The following GSE1 variants were observed in gnomAD, a reference collection of about 807,000 sequenced individuals.
GSE1 encodes genetic suppressor element 1.
GSE1 carries 32 observed loss-of-function variants against 112.6 expected under a neutral mutation model. The ratio of observed to expected loss-of-function variants is 0.28; its 90% CI spans 0.21 to 0.38. The LOEUF is 0.38. GSE1 is among the 10% of genes least tolerant of loss of function. The probability of loss-of-function intolerance (pLI) is 1.00; values close to 1 mark genes in which losing one functional copy is unlikely to be tolerated. For synonymous variants in GSE1, 1,115 were observed against 735.6 expected, an observed-to-expected ratio of 1.52 and a Z score of -8.35; for missense variants, 2,348 against 1,699.2, an observed-to-expected ratio of 1.38 and a Z score of -6.71.
intron 8 of GSE1, 57 bp downstream of exon 8, chr16:85,657,661 C>G: frequency 1.6e-6 from 2 of 1,236,626 alleles, no homozygotes; most frequent in Non-Finnish European, 2.2e-6. Context: ...ATTTGTTCAG[C>G]GTGTATTGAG....
chr16:85,321,498 G>T (rs1282041324), intron 1 of GSE1, among the ~76,000 whole-genome samples: 1 of 152,146 alleles, frequency 6.6e-6, no homozygotes, highest in Non-Finnish European at 1.5e-5. Flanking sequence ...GCCAGGCATG[G>T]TGACTCACAA....
At chr16:85,262,040 C>T (rs1390158229) in intron 1 of GSE1, among the ~76,000 whole-genome samples, 1 of 152,172 alleles carries the variant, frequency 6.6e-6, no homozygotes, top group Non-Finnish European at 1.5e-5. Context: ...CCAGGTCACA[C>T]AGGTTGCAAA....
At chr16:85,219,522 C>G (rs1361348806) in intron 1 of GSE1, among the ~76,000 whole-genome samples, 1 of 152,146 alleles carries the variant, frequency 6.6e-6, no homozygotes, top group Non-Finnish European at 1.5e-5. Flanking sequence ...CTTGGACCAC[C>G]TTGCACTCTC....
intron 2 of GSE1, among the ~76,000 whole-genome samples, chr16:85,370,759 G>A (rs1291765948): frequency 6.6e-6 from 1 of 152,242 alleles, no homozygotes; most frequent in Non-Finnish European, 1.5e-5. Context: ...TGTGCTGCTG[G>A]ATGACTCTGC....
intron 2 of GSE1, among the ~76,000 whole-genome samples, chr16:85,646,772 G>T (rs1313055765): frequency 6.6e-6 from 1 of 152,096 alleles, no homozygotes; most frequent in Non-Finnish European, 1.5e-5. Flanking sequence ...GTCAGGCTGG[G>T]CAGGGCTCTT....
At chr16:85,274,060 T>C (rs144656218) in intron 1 of GSE1, among the ~76,000 whole-genome samples, 2 of 151,154 alleles carry the variant, frequency 1.3e-5, no homozygotes, top group African/African-American at 2.4e-5. Context: ...CTGCACAACA[T>C]TGGGAATGCC....
At chr16:85,554,927 C>T (rs2045123566), upstream of GSE1, 2 of 985,386 alleles carry the variant, frequency 2.0e-6, no homozygotes, top group Non-Finnish European at 2.4e-6. Flanking sequence ...CTGCCTTCGG[C>T]AGCGGCACCC....
chr16:85,336,215 C>A (rs1383925938), intron 1 of GSE1, among the ~76,000 whole-genome samples: 1 of 152,184 alleles, frequency 6.6e-6, no homozygotes, highest in African/African-American at 2.4e-5. Flanking sequence ...TCCATTAGCC[C>A]TCCTGACATG....
At chr16:85,228,357 C>T (rs16975388) in intron 1 of GSE1, among the ~76,000 whole-genome samples, 3 of 151,942 alleles carry the variant, frequency 2.0e-5, no homozygotes, top group Non-Finnish European at 4.4e-5. Flanking sequence ...TGGCCAGCAG[C>T]GTACAGGATT....
At chr16:85,421,831 TG>T (rs2048851879) in intron 2 of GSE1, among the ~76,000 whole-genome samples, 1 of 151,972 alleles carries the variant, frequency 6.6e-6, no homozygotes, top group Non-Finnish European at 1.5e-5. Context: ...CTTGTATTTT[TG>T]GGGGGAATGG....
rs1022474337 is a variant in GSE1 at position 85,311,105 on chromosome 16, G to C, written c.2284-46358G>C. ...CCAGCAGGCAGGGCATCTGACAGCC[G>C]TGGAGGACGGCAGAGGGGAGGGCAG... On this transcript the variant is annotated intron_variant, in intron 1 of 2. Coordinates refer to the GSE1 transcript ENST00000637419. The surrounding 1 kb of genome is among the most constrained non-coding windows in gnomAD (Gnocchi z 4.2). Among the ~76,000 whole-genome samples, 2 of 152,214 alleles carry C rather than the reference G, an allele frequency of 1.3e-5. No homozygotes were observed. Among genetic ancestry groups the C allele is most frequent in the Non-Finnish European group, 2.9e-5 (2 of 68,038 alleles).
At chr16:85,612,265 G>GTGGGC (rs2048040293), upstream of GSE1, among the ~76,000 whole-genome samples, 1 of 151,212 alleles carries the variant, frequency 6.6e-6, no homozygotes, top group African/African-American at 2.4e-5. Context: ...GCGGGGCGGG[G>GTGGGC]TGGGCGGAGC....
intron 3 of GSE1, among the ~76,000 whole-genome samples, chr16:85,649,780 G>A (rs2051181060): frequency 6.6e-6 from 1 of 152,184 alleles, no homozygotes; most frequent in South Asian, 2.1e-4. Flanking sequence ...AAGAAGGTGG[G>A]GAGGAGGGGA....
chr16:85,400,813 G>GTATC (rs2048093445), intron 2 of GSE1, among the ~76,000 whole-genome samples: 1 of 15,268 alleles, frequency 6.5e-5, no homozygotes, highest in East Asian at 1.2e-3. Context: ...GTATGATTTT[G>GTATC]TGTCTGTGAT....
intron 14 of GSE1, among the ~76,000 whole-genome samples, chr16:85,669,027 C>G (rs1458047287): frequency 6.6e-6 from 1 of 152,252 alleles, no homozygotes; most frequent in African/African-American, 2.4e-5. Context: ...AGCCACAGCA[C>G]CAGGCGGACT....
At chr16:85,474,443 T>C (rs2050389957) in intron 2 of GSE1, among the ~76,000 whole-genome samples, 1 of 151,970 alleles carries the variant, frequency 6.6e-6, no homozygotes, top group Non-Finnish European at 1.5e-5. Flanking sequence ...CCTCGGGCAG[T>C]GGGGATGCCA....
intron 1 of GSE1, among the ~76,000 whole-genome samples, chr16:85,349,369 G>A (rs546356764): frequency 5.1e-4 from 78 of 152,164 alleles, no homozygotes; most frequent in Non-Finnish European, 9.7e-4. Context: ...ATCCCATCAG[G>A]GCAGGTTGAG....
At chr16:85,275,186 C>T (rs756752052) in intron 1 of GSE1, among the ~76,000 whole-genome samples, 15 of 152,150 alleles carry the variant, frequency 9.9e-5, no homozygotes, top group Admixed American at 2.6e-4. Context: ...ACCACGTGGC[C>T]TGAAGTCTTA....
intron 1 of GSE1, among the ~76,000 whole-genome samples, chr16:85,625,079 C>G (rs1427368927): frequency 1.3e-5 from 2 of 152,212 alleles, no homozygotes; most frequent in African/African-American, 4.8e-5. Flanking sequence ...GACACCGACC[C>G]CAGCCTTGAC....
Sources: gnomAD v4.1 joint callset for allele counts (sites outside exome capture counted in the v4.1 genomes callset) on GRCh38, gnomAD v4.1.1 for gene constraint, Gnocchi (gnomAD v3.1) non-coding constraint, MANE v1.5 for transcripts, NCBI Gene and HGNC (gene_info 2026-07-23, HGNC 2026-07-21) for gene names.